OPHN1: variants seen among roughly 807,000 people sequenced by gnomAD.
OPHN1 encodes oligophrenin-1.
A neutral mutation model predicts 60.7 loss-of-function variants in OPHN1; 11 were observed. The observed-to-expected ratio is 0.18, with a 90% CI of 0.11 to 0.30. OPHN1 has a LOEUF of 0.30. Ranked by LOEUF, OPHN1 falls within the 10% of genes least tolerant of loss-of-function variation. The pLI, the probability that OPHN1 is intolerant of heterozygous loss-of-function variation, is 1.00. For synonymous variants in OPHN1, 226 were observed against 222.6 expected (o/e 1.02, Z -0.14); for missense variants, 449 against 611.0 (o/e 0.73, Z 2.80).
At position 68,433,027 on chromosome X, in the gene OPHN1, G is replaced by A; in HGVS notation, c.-4-3C>T. On this transcript the variant is annotated splice_region_variant and splice_polypyrimidine_tract_variant and intron_variant, in intron 1 of 24. Coordinates refer to ENST00000355520, the MANE Select transcript of OPHN1 (RefSeq NM_002547.3). ...CCAGCGGGGGATGACCCATGGTTCT[G>A]ATGGCCGGGAGTAGGGGGAAAGGGG... 8.4e-7 allele frequency: 1 copy of A among 1,197,582 alleles called. No individual in the cohort carries two copies. The highest frequency in any genetic ancestry group is 1.1e-6 in the Non-Finnish European group (1 of 887,571).
intron 6 of OPHN1, among the ~76,000 whole-genome samples, chrX:68,226,734 T>A (rs1249130450): frequency 9.0e-6 from 1 of 111,381 alleles, no homozygotes; most frequent in Non-Finnish European, 1.9e-5. Flanking sequence ...AAGGAAGCAC[T>A]AAACATGGAA....
intron 15 of OPHN1, among the ~76,000 whole-genome samples, chrX:68,187,601 A>C (rs2082740864): frequency 9.1e-6 from 1 of 110,053 alleles, no homozygotes; most frequent in South Asian, 3.9e-4. Context: ...AAGAGGATAA[A>C]TTCGTATTGG....
At chrX:68,242,658 A>T (rs898905485) in intron 5 of OPHN1, among the ~76,000 whole-genome samples, 12 of 111,473 alleles carry the variant, frequency 1.1e-4, no homozygotes, top group Non-Finnish European at 1.7e-4. Flanking sequence ...CAAAAGGTGG[A>T]AAAAACCCAA....
Position 68,126,525 on chromosome X carries a change from A to G in OPHN1, c.1277-7193T>C, listed in dbSNP as rs753133170. On this transcript the variant is annotated intron_variant, in intron 15 of 24. Coordinates refer to ENST00000355520, the MANE Select transcript of OPHN1 (RefSeq NM_002547.3). ...AGTGGCGCAATCTCGGCTCACTGCA[A>G]CCTCTGCCTACCAGGTTCAAGCGAT... 4.5e-5 allele frequency among the ~76,000 whole-genome samples: 5 copies of G among 110,675 alleles called. No individual in the cohort carries two copies. In the South Asian group the frequency reaches 1.6e-3, roughly 35 times the overall value.
chrX:68,131,189 CTTTT>C lies in OPHN1; in HGVS notation c.1277-11861_1277-11858del, dbSNP rs1426767664. Among the ~76,000 whole-genome samples the C allele has an allele frequency of 2.6e-4, 24 of 93,095 alleles. No individual in the cohort carries two copies. In the South Asian group the frequency reaches 0.01, roughly 40 times the overall value. 80.8% of individuals were successfully genotyped at this position (93,095 alleles called of 115,157 possible). On this transcript the variant is annotated intron_variant, in intron 15 of 24. Transcript: ENST00000355520. ...AAAGCATTAAATTAAACAAAGAACA[CTTTT>C]ATTTATTTATTTATTTATTTATTTA...
intron 21 of OPHN1, among the ~76,000 whole-genome samples, chrX:68,062,616 C>T (rs1398290030): frequency 3.6e-5 from 4 of 111,842 alleles, no homozygotes; most frequent in Admixed American, 9.5e-5. Flanking sequence ...TCTATGTCTT[C>T]GGCATGTAGA....
At chrX:68,340,955 G>A (rs1017867312) in intron 2 of OPHN1, among the ~76,000 whole-genome samples, 4 of 103,398 alleles carry the variant, frequency 3.9e-5, no homozygotes, top group Non-Finnish European at 7.9e-5. Context: ...GCAGCGAGCC[G>A]AGATCACACA....
At chrX:68,207,266 C>G (rs747080690) in intron 9 of OPHN1, among the ~76,000 whole-genome samples, 1 of 108,105 alleles carries the variant, frequency 9.3e-6, no homozygotes, top group East Asian at 2.9e-4. Context: ...GTAGCTGGGA[C>G]TACAGGCACC....
intron 2 of OPHN1, among the ~76,000 whole-genome samples, chrX:68,342,226 C>T (rs2078356621): frequency 9.0e-6 from 1 of 111,244 alleles, no homozygotes; most frequent in South Asian, 3.8e-4. Flanking sequence ...CCACCTCAGC[C>T]TCCCAAAGTG....
chrX:68,161,620 C>T (rs1368367426), intron 15 of OPHN1, among the ~76,000 whole-genome samples: 1 of 110,815 alleles, frequency 9.0e-6, no homozygotes, highest in East Asian at 2.8e-4. Flanking sequence ...AATCTTTACA[C>T]TGATGGTAAA....
intron 4 of OPHN1, among the ~76,000 whole-genome samples, chrX:68,276,910 C>T (rs2077994402): frequency 1.8e-5 from 2 of 111,068 alleles, no homozygotes; most frequent in South Asian, 7.8e-4. Context: ...GCTGAATCCG[C>T]CCTTCCTGCC....
At chrX:68,069,624 T>C (rs745743804) in intron 20 of OPHN1, among the ~76,000 whole-genome samples, 1 of 110,479 alleles carries the variant, frequency 9.1e-6, no homozygotes, top group African/African-American at 3.3e-5. Context: ...TACATTCTAA[T>C]GGGAGAGAGA....
intron 4 of OPHN1, among the ~76,000 whole-genome samples, chrX:68,281,269 T>C (rs2078018275): frequency 8.9e-6 from 1 of 111,970 alleles, no homozygotes; most frequent in Non-Finnish European, 1.9e-5. Flanking sequence ...TACAGACCCA[T>C]ATAAATATAG....
intron 15 of OPHN1, among the ~76,000 whole-genome samples, chrX:68,119,718 C>G (rs2077142473): frequency 9.0e-6 from 1 of 111,281 alleles, no homozygotes; most frequent in Admixed American, 9.5e-5. Flanking sequence ...GATAGGATAA[C>G]CTAATCTGTA....
At chrX:68,276,310 G>A (rs1364359172) in intron 4 of OPHN1, among the ~76,000 whole-genome samples, 2 of 111,230 alleles carry the variant, frequency 1.8e-5, no homozygotes, top group Non-Finnish European at 3.8e-5. Context: ...CTCCCAGTAC[G>A]ACACTTAACA....
chrX:68,215,577 C>A (rs1472618069), intron 6 of OPHN1, among the ~76,000 whole-genome samples: 1 of 111,179 alleles, frequency 9.0e-6, no homozygotes, highest in African/African-American at 3.3e-5. Context: ...ATATTCAAAG[C>A]TGCAGAAAAT....
intron 5 of OPHN1, among the ~76,000 whole-genome samples, chrX:68,242,885 T>A (rs2077788248): frequency 9.1e-6 from 1 of 110,247 alleles, no homozygotes; most frequent in Non-Finnish European, 1.9e-5. Flanking sequence ...TTTTTTTTTT[T>A]AAGATGGAGT....
intron 2 of OPHN1, among the ~76,000 whole-genome samples, chrX:68,419,266 G>A (rs1003226581): frequency 3.7e-5 from 4 of 108,860 alleles, no homozygotes; most frequent in African/African-American, 1.3e-4. Flanking sequence ...TGCCCGCCTC[G>A]GCCTCCCAAA....
intron 2 of OPHN1, among the ~76,000 whole-genome samples, chrX:68,370,556 G>A (rs1278225504): frequency 1.8e-5 from 2 of 109,052 alleles, no homozygotes; most frequent in Admixed American, 2.0e-4. Flanking sequence ...ACCACATTAA[G>A]ACATAAGGAT....
Sources: gnomAD v4.1 joint callset for allele counts (sites outside exome capture counted in the v4.1 genomes callset) on GRCh38, gnomAD v4.1.1 for gene constraint, MANE v1.5 for transcripts, NCBI Gene and HGNC (gene_info 2026-07-23, HGNC 2026-07-21) for gene names.